Variants in FGF14 observed in about 807,000 individuals in gnomAD.
FGF14 encodes fibroblast growth factor 14, also known as fibroblast growth factor homologous factor 4.
A neutral mutation model predicts 25.5 loss-of-function variants in FGF14; 5 were observed. The ratio of observed to expected loss-of-function variants is 0.20; its 90% CI spans 0.10 to 0.41. FGF14 has a LOEUF of 0.41. FGF14 is among the 10% of genes least tolerant of loss of function. The pLI is 1.00. For synonymous variants in FGF14, 138 were observed against 118.3 expected, an observed-to-expected ratio of 1.17 and a Z score of -1.08; for missense variants, 222 against 320.1, an observed-to-expected ratio of 0.69 and a Z score of 2.34.
intron 1 of FGF14, among the ~76,000 whole-genome samples, chr13:102,319,522 T>C (rs909672263): frequency 6.6e-6 from 1 of 152,208 alleles, no homozygotes; most frequent in African/African-American, 2.4e-5. Flanking sequence ...GGCTGCGCTA[T>C]GGTGAGGCAT....
chr13:101,977,019 T>C (rs879409035), intron 1 of FGF14, among the ~76,000 whole-genome samples: 6 of 152,224 alleles, frequency 3.9e-5, no homozygotes, highest in South Asian at 2.1e-4. Flanking sequence ...TTATAAACTT[T>C]CCTATTGTCA....
intron 1 of FGF14, among the ~76,000 whole-genome samples, chr13:102,238,962 T>C (rs1158961126): frequency 6.6e-6 from 1 of 152,098 alleles, no homozygotes; most frequent in Non-Finnish European, 1.5e-5. Context: ...CTATGACCTA[T>C]GTTGCCTATC....
At chr13:101,906,558 C>A (rs2032270170) in intron 1 of FGF14, among the ~76,000 whole-genome samples, 1 of 152,020 alleles carries the variant, frequency 6.6e-6, no homozygotes, top group East Asian at 1.9e-4. Flanking sequence ...AGAAAACAAA[C>A]AAGTAAATAC....
At chr13:101,724,387 A>C (rs2035219804) in intron 4 of FGF14, among the ~76,000 whole-genome samples, 1 of 151,222 alleles carries the variant, frequency 6.6e-6, no homozygotes, top group Non-Finnish European at 1.5e-5. Flanking sequence ...GTGGGAACTG[A>C]ACAATGAGAA....
exon 1 of FGF14, chr13:102,401,527 G>C: frequency 1.2e-6 from 2 of 1,614,192 alleles, no homozygotes; most frequent in Middle Eastern, 1.6e-4. Context: ...CAGCATATGC[G>C]TTCCTTTGCT....
intron 1 of FGF14, among the ~76,000 whole-genome samples, chr13:101,878,179 C>T (rs974323122): frequency 6.6e-6 from 1 of 152,166 alleles, no homozygotes; most frequent in Non-Finnish European, 1.5e-5. Flanking sequence ...TATAAATATT[C>T]CATAATTTCC....
chr13:102,029,189 C>G (rs1034953922), intron 1 of FGF14, among the ~76,000 whole-genome samples: 2 of 152,038 alleles, frequency 1.3e-5, no homozygotes, highest in African/African-American at 4.8e-5. Context: ...GTGTGTCTTT[C>G]TTCAAAGTCA....
chr13:101,957,384 A>G (rs1259123947), intron 1 of FGF14, among the ~76,000 whole-genome samples: 1 of 152,206 alleles, frequency 6.6e-6, no homozygotes, highest in Non-Finnish European at 1.5e-5. Context: ...GAATAAGACG[A>G]AGAAAATACA....
chr13:102,207,058 G>C (rs1450766931), intron 1 of FGF14, among the ~76,000 whole-genome samples: 1 of 152,196 alleles, frequency 6.6e-6, no homozygotes, highest in Non-Finnish European at 1.5e-5. Context: ...GAGGTAGGCA[G>C]ATCGTGAGGC....
chr13:101,907,145 ATCT>A (rs1015744905), intron 1 of FGF14, among the ~76,000 whole-genome samples: 11 of 152,222 alleles, frequency 7.2e-5, no homozygotes, highest in African/African-American at 2.6e-4. Flanking sequence ...AAGACCATTC[ATCT>A]TCTTCTGTTT....
intron 1 of FGF14, among the ~76,000 whole-genome samples, chr13:101,886,841 C>A (rs919976332): frequency 9.9e-5 from 15 of 151,872 alleles, no homozygotes; most frequent in African/African-American, 3.1e-4. Flanking sequence ...TTGAACAATT[C>A]AACAACAACA....
At chr13:101,988,023 C>T (rs1700436087) in intron 1 of FGF14, among the ~76,000 whole-genome samples, 1 of 151,942 alleles carries the variant, frequency 6.6e-6, no homozygotes, top group South Asian at 2.1e-4. Context: ...ATATTTCTTG[C>T]ATAAGAAGCC....
chr13:102,092,904 TGAA>T (rs2044229604), intron 1 of FGF14, among the ~76,000 whole-genome samples: 1 of 152,152 alleles, frequency 6.6e-6, no homozygotes, highest in East Asian at 1.9e-4. Context: ...AAAGGTTTTA[TGAA>T]GAAGAAGGCA....
intron 3 of FGF14, among the ~76,000 whole-genome samples, chr13:101,847,727 T>G (rs897139464): frequency 1.3e-5 from 2 of 152,084 alleles, no homozygotes; most frequent in African/African-American, 2.4e-5. Flanking sequence ...TTGAAGAATA[T>G]CATAGGCTTT....
rs548064837 is a variant in FGF14, at chr13:102,265,574, G to C, written c.208+135897C>G. On this transcript the variant is annotated intron_variant, in intron 1 of 4. Coordinates refer to the FGF14 transcript ENST00000376131. The stretch of plus-strand genomic sequence containing the variant: ...TTGACTGTACCTGATAGTTGCATTA[G>C]AATTGGTAACATTCCAGATTTTCAT... Among the ~76,000 whole-genome samples the C allele has an allele frequency of 1.5e-3, 233 of 152,226 alleles. 2 individuals are homozygous for C. The highest frequency in any genetic ancestry group is 5.0e-3 in the African/African-American group (209 of 41,536).
At chr13:101,999,861 T>C (rs2039386584) in intron 1 of FGF14, among the ~76,000 whole-genome samples, 1 of 152,184 alleles carries the variant, frequency 6.6e-6, no homozygotes, top group Non-Finnish European at 1.5e-5. Flanking sequence ...ATTTCTTCTC[T>C]ATTTCTGCCA....
chr13:101,869,260 T>C (rs1468416265), intron 2 of FGF14, among the ~76,000 whole-genome samples: 1 of 152,178 alleles, frequency 6.6e-6, no homozygotes, highest in African/African-American at 2.4e-5. Flanking sequence ...GGCCAGAAGT[T>C]AAACAGGTGA....
intron 3 of FGF14, among the ~76,000 whole-genome samples, chr13:101,822,085 G>T (rs974577858): frequency 6.6e-6 from 1 of 152,046 alleles, no homozygotes; most frequent in African/African-American, 2.4e-5. Context: ...TCTACTCTCT[G>T]ATCATTGAGA....
intron 1 of FGF14, among the ~76,000 whole-genome samples, chr13:102,004,932 C>A (rs2039702896): frequency 6.6e-6 from 1 of 152,186 alleles, no homozygotes; most frequent in South Asian, 2.1e-4. Flanking sequence ...GAGGCCTCCC[C>A]AGTCCTGTGG....
Sources: gnomAD v4.1 joint callset for allele counts (sites outside exome capture counted in the v4.1 genomes callset) on GRCh38, gnomAD v4.1.1 for gene constraint, MANE v1.5 for transcripts, NCBI Gene and HGNC (gene_info 2026-07-23, HGNC 2026-07-21) for gene names.